The following SOX6 variants were observed in gnomAD, a reference collection of about 807,000 sequenced individuals.
SOX6 encodes the protein SRY-box transcription factor 6.
SOX6 carries 11 observed loss-of-function variants against 97.8 expected under a neutral mutation model. The observed-to-expected ratio is 0.11, with a 90% CI of 0.07 to 0.19. SOX6 has a LOEUF of 0.19. Among genes scored for constraint, SOX6 ranks in the 10% least tolerant of loss-of-function variants. The pLI is 1.00. For missense variants in SOX6, 810 were observed against 1,039.5 expected, an observed-to-expected ratio of 0.78 and a Z score of 3.04; for synonymous variants, 360 against 371.4, an observed-to-expected ratio of 0.97 and a Z score of 0.35.
rs186837937 is a variant in SOX6 at position 16,539,500 on chromosome 11, A to C, written n.610-63112T>G. Among the ~76,000 whole-genome samples, 169 of 152,330 alleles carry C rather than the reference A, an allele frequency of 1.1e-3. 1 individual carries two copies. Among genetic ancestry groups the C allele is most frequent in the African/African-American group, 4.0e-3 (165 of 41,576 alleles). On this transcript the variant is annotated intron_variant and non_coding_transcript_variant, in intron 4 of 5. Transcript: ENST00000524520. Reference sequence around the variant, plus strand: ...AGAACTGAAGGAGATAGAGACATAAAAAAAACCTTCAAAAAATCAATGAAT... The same window carrying C: ...AGAACTGAAGGAGATAGAGACATAACAAAAACCTTCAAAAAATCAATGAAT...
intron 1 of SOX6, among the ~76,000 whole-genome samples, chr11:16,459,441 AT>A: frequency 6.6e-6 from 1 of 152,218 alleles, no homozygotes; most frequent in East Asian, 1.9e-4. Context: ...TTTACCAGCC[AT>A]ACCAAGAAGC....
chr11:16,107,135 C>A (rs1329011721), intron 7 of SOX6, among the ~76,000 whole-genome samples: 2 of 151,862 alleles, frequency 1.3e-5, no homozygotes, highest in Non-Finnish European at 2.9e-5. Flanking sequence ...TCTTACATTT[C>A]TCGTGGGAAT....
At chr11:16,421,279 A>T (rs1859017563) in intron 1 of SOX6, among the ~76,000 whole-genome samples, 1 of 152,182 alleles carries the variant, frequency 6.6e-6, no homozygotes, top group South Asian at 2.1e-4. Context: ...AAACACAATG[A>T]CTATATATTG....
chr11:16,307,733 G>T (rs1302262512), intron 3 of SOX6, among the ~76,000 whole-genome samples: 1 of 152,148 alleles, frequency 6.6e-6, no homozygotes, highest in Non-Finnish European at 1.5e-5. Context: ...TAATAATTCT[G>T]CTGCTGTTGT....
intron 1 of SOX6, chr11:16,402,876 A>C: frequency 6.6e-7 from 1 of 1,525,844 alleles, no homozygotes; most frequent in Non-Finnish European, 8.9e-7. Context: ...CTAAAACTAC[A>C]CTCAGTTGGG....
At chr11:16,243,736 T>C (rs1309171610) in intron 3 of SOX6, among the ~76,000 whole-genome samples, 3 of 152,038 alleles carry the variant, frequency 2.0e-5, no homozygotes, top group African/African-American at 7.2e-5. Flanking sequence ...TAATTTTGCC[T>C]ATTCTTGAAT....
chr11:16,313,803 A>G (rs1396272416), intron 3 of SOX6: 1 of 140,256 alleles, frequency 7.1e-6, no homozygotes, highest in African/African-American at 2.7e-5. Context: ...TTTTAATTGT[A>G]TTACCACGTT....
At chr11:16,575,899 T>C (rs1343037021) in intron 4 of SOX6, among the ~76,000 whole-genome samples, 1 of 152,182 alleles carries the variant, frequency 6.6e-6, no homozygotes, top group African/African-American at 2.4e-5. Context: ...GTTACACATA[T>C]ATACATCCAT....
intron 2 of SOX6, among the ~76,000 whole-genome samples, chr11:16,319,906 A>G (rs1855865478): frequency 6.6e-6 from 1 of 152,092 alleles, no homozygotes; most frequent in Admixed American, 6.6e-5. Context: ...TTTTCTTAAA[A>G]AAAAGGACAG....
chr11:16,553,682 A>G (rs1847716249), intron 4 of SOX6, among the ~76,000 whole-genome samples: 1 of 151,988 alleles, frequency 6.6e-6, no homozygotes, highest in Non-Finnish European at 1.5e-5. Context: ...CTAAAGAGGC[A>G]TTGATACTAG....
At chr11:16,508,868 T>TTAAAG (rs1298494642) in intron 4 of SOX6, among the ~76,000 whole-genome samples, 2 of 152,070 alleles carry the variant, frequency 1.3e-5, no homozygotes, top group African/African-American at 4.8e-5. Flanking sequence ...TGATAAATAC[T>TTAAAG]TAAAGTGATG....
At chr11:16,506,544 G>T (rs1860791768) in intron 4 of SOX6, among the ~76,000 whole-genome samples, 3 of 152,198 alleles carry the variant, frequency 2.0e-5, no homozygotes, top group Admixed American at 2.0e-4. Flanking sequence ...TTGGGGTACT[G>T]CTAAGAAGGC....
At chr11:16,207,343 C>A (rs1342832085) in intron 4 of SOX6, among the ~76,000 whole-genome samples, 1 of 152,114 alleles carries the variant, frequency 6.6e-6, no homozygotes, top group African/African-American at 2.4e-5. Flanking sequence ...TGGCTCACGC[C>A]TGTAATCCTA....
chr11:16,241,042 T>C (rs1302174019), intron 3 of SOX6, among the ~76,000 whole-genome samples: 9 of 152,090 alleles, frequency 5.9e-5, no homozygotes, highest in African/African-American at 2.2e-4. Flanking sequence ...AAATCCTGCA[T>C]ATTGCAATGA....
chr11:16,100,786 A>G (rs1223044813), intron 7 of SOX6, among the ~76,000 whole-genome samples: 1 of 151,434 alleles, frequency 6.6e-6, no homozygotes, highest in African/African-American at 2.4e-5. Context: ...TCCCATGGGT[A>G]AAAGTCTGTC....
chr11:16,699,096 C>A (rs1020841609), intron 3 of SOX6, among the ~76,000 whole-genome samples: 2 of 152,086 alleles, frequency 1.3e-5, no homozygotes, highest in African/African-American at 4.8e-5. Context: ...ATGAGGTATG[C>A]CTGTATGTTC....
chr11:16,420,209 CA>C (rs578069606), intron 1 of SOX6, among the ~76,000 whole-genome samples: 1 of 151,828 alleles, frequency 6.6e-6, no homozygotes, highest in East Asian at 1.9e-4. Context: ...AGAGAAAGGT[CA>C]AAAAAATGAC....
chr11:16,156,518 T>C (rs1177025732), intron 6 of SOX6, among the ~76,000 whole-genome samples: 1 of 151,964 alleles, frequency 6.6e-6, no homozygotes, highest in East Asian at 1.9e-4. Context: ...ATCTGGTAGG[T>C]ATATCTACCT....
chr11:16,277,904 T>C (rs1156782390), intron 3 of SOX6, among the ~76,000 whole-genome samples: 1 of 152,196 alleles, frequency 6.6e-6, no homozygotes, highest in Non-Finnish European at 1.5e-5. Flanking sequence ...AGGCCAATTT[T>C]ATCATTTACA....
Sources: gnomAD v4.1 joint callset for allele counts (sites outside exome capture counted in the v4.1 genomes callset) on GRCh38, gnomAD v4.1.1 for gene constraint, MANE v1.5 for transcripts, NCBI Gene and HGNC (gene_info 2026-07-23, HGNC 2026-07-21) for gene names.